The following FNIP2 variants were observed in gnomAD, a reference collection of about 807,000 sequenced individuals.
FNIP2 encodes the protein folliculin-interacting protein 2.
Under a neutral mutation model 108.7 loss-of-function variants are expected in FNIP2, and 32 were observed. The observed-to-expected ratio is 0.29, with a 90% confidence interval of 0.22 to 0.40. The LOEUF is 0.40. Among genes scored for constraint, FNIP2 ranks in the 10% least tolerant of loss-of-function variants. FNIP2 has a pLI of 1.00. For missense variants in FNIP2, 1,202 were observed against 1,381.6 expected, an observed-to-expected ratio of 0.87 and a Z score of 2.06; for synonymous variants, 480 against 496.7, an observed-to-expected ratio of 0.97 and a Z score of 0.45.
intron 8 of FNIP2, among the ~76,000 whole-genome samples, chr4:158,857,280 A>G (rs1191239607): frequency 6.6e-6 from 1 of 152,260 alleles, no homozygotes; most frequent in African/African-American, 2.4e-5. Context: ...AGCAAGCCTT[A>G]TTGTAATATA....
At chr4:158,828,082 T>C (rs1164262428) in intron 2 of FNIP2, among the ~76,000 whole-genome samples, 1 of 152,024 alleles carries the variant, frequency 6.6e-6, no homozygotes, top group Non-Finnish European at 1.5e-5. Context: ...GAGAGGTAAA[T>C]ATTAATAAAG....
At chr4:158,900,949 G>C (rs1422849906) in intron 16 of FNIP2, among the ~76,000 whole-genome samples, 2 of 152,054 alleles carry the variant, frequency 1.3e-5, no homozygotes, top group Admixed American at 6.6e-5. Flanking sequence ...TTACAATTTG[G>C]TATGTTTTTG....
Position 158,868,614 on chromosome 4 carries a change from G to C in FNIP2, c.1978G>C (p.Asp660His). 6.2e-7 allele frequency: 1 copy of C among 1,613,958 alleles called. No individual in the cohort carries two copies. Among genetic ancestry groups the C allele is most frequent in the Non-Finnish European group, 8.5e-7 (1 of 1,179,838 alleles). The change falls in exon 13 of 17, where the codon GAT becomes CAT. Residue 660 changes from aspartate (D) to histidine (H), a missense_variant. Physicochemically the swap from Asp to His is moderately conservative, Grantham distance 81. Around this residue, in one of 5 missense-constraint regions of FNIP2, gnomAD observed 878 missense variants for 990.3 expected, o/e 0.89. Coordinates refer to ENST00000264433, the MANE Select transcript of FNIP2 (RefSeq NM_020840.3). The surrounding 1 kb of genome is among the most constrained non-coding windows in gnomAD (Gnocchi z 4.6). ...GDEKNKEAPQDGSSRLPSCEV... is the reference protein window; with the variant it reads ...GDEKNKEAPQHGSSRLPSCEV... ...TGAGAAAAATAAAGAGGCACCGCAA[G>C]ATGGCTCTTCAAGACTTCCCAGCTG...
chr4:158,883,998 T>G (rs998418029), intron 14 of FNIP2, among the ~76,000 whole-genome samples: 5 of 145,132 alleles, frequency 3.4e-5, no homozygotes, highest in Non-Finnish European at 6.0e-5. Flanking sequence ...TGTAGAGCAG[T>G]ACTGTGTTCC....
intron 1 of FNIP2, among the ~76,000 whole-genome samples, chr4:158,781,991 G>C (rs938775387): frequency 1.3e-5 from 2 of 152,042 alleles, no homozygotes; most frequent in Non-Finnish European, 2.9e-5. Flanking sequence ...CTACTACACA[G>C]TGTTTGACAA....
At chr4:158,815,485 C>A (rs760915116) in intron 1 of FNIP2, among the ~76,000 whole-genome samples, 1 of 151,756 alleles carries the variant, frequency 6.6e-6, no homozygotes, top group Non-Finnish European at 1.5e-5. Flanking sequence ...CGGGTTCACG[C>A]CGTTCTCCTG....
At chr4:158,775,857 C>T (rs1219451133) in intron 1 of FNIP2, among the ~76,000 whole-genome samples, 3 of 152,050 alleles carry the variant, frequency 2.0e-5, no homozygotes, top group South Asian at 2.1e-4. Context: ...TTTGGATCCC[C>T]GATTATCATA....
At chr4:158,825,172 C>G (rs1001914400) in intron 1 of FNIP2, among the ~76,000 whole-genome samples, 16 of 152,228 alleles carry the variant, frequency 1.1e-4, no homozygotes, top group African/African-American at 3.9e-4. Flanking sequence ...GGGTTAAAAA[C>G]TGAGTATATC....
chr4:158,904,084 C>G (rs759801575), intron 16 of FNIP2, among the ~76,000 whole-genome samples: 39 of 152,098 alleles, frequency 2.6e-4, no homozygotes, highest in Non-Finnish European at 4.9e-4. Context: ...AATCAGTATG[C>G]ATTTAGAAGT....
chr4:158,859,622 C>G lies in FNIP2; in HGVS notation c.1104C>G (p.Val368=). Residue 368 remains valine (V), a synonymous_variant, in exon 10 of 17, where the codon GTC becomes GTG. Coordinates refer to ENST00000264433, the MANE Select transcript of FNIP2 (RefSeq NM_020840.3). The stretch of plus-strand genomic sequence containing the variant: ...AAATAGCAGAATCAAGTCTCCGAGT[C>G]CAGTTTTATGTCAGCCGTTTGATGG... ...CRKIAESSLR[V]QFYVSRLMEA... is the part of the protein sequence containing the mutation. The G allele has an allele frequency of 6.2e-7, 1 of 1,613,474 alleles. No individual in the cohort carries two copies. Among genetic ancestry groups the G allele is most frequent in the Non-Finnish European group, 8.5e-7 (1 of 1,179,710 alleles).
intron 12 of FNIP2, among the ~76,000 whole-genome samples, chr4:158,864,340 T>C (rs1431451081): frequency 6.6e-6 from 1 of 152,130 alleles, no homozygotes; most frequent in Non-Finnish European, 1.5e-5. Flanking sequence ...ACAACCACAT[T>C]TAAATAACCC....
At chr4:158,838,339 G>A (rs1028035896) in intron 7 of FNIP2, among the ~76,000 whole-genome samples, 4 of 144,728 alleles carry the variant, frequency 2.8e-5, no homozygotes, top group African/African-American at 1.0e-4. Flanking sequence ...TCCCACCTCA[G>A]CCTCACAAGT....
chr4:158,892,971 A>G (rs544128449), intron 15 of FNIP2, among the ~76,000 whole-genome samples: 44 of 152,214 alleles, frequency 2.9e-4, no homozygotes, highest in Admixed American at 7.9e-4. Context: ...ATGACTTTGA[A>G]GAAGGTGCTC....
chr4:158,889,327 C>T (rs1168032811), intron 14 of FNIP2, among the ~76,000 whole-genome samples: 1 of 152,202 alleles, frequency 6.6e-6, no homozygotes, highest in Non-Finnish European at 1.5e-5. Context: ...TGTAAATCTA[C>T]AGCCTTCTGA....
Position 158,769,138 on chromosome 4 carries a change from G to A in FNIP2, c.-75G>A. 1 of 660,998 alleles carries A rather than the reference G, an allele frequency of 1.5e-6. No homozygotes were observed. Among genetic ancestry groups the A allele is most frequent in the Non-Finnish European group, 1.9e-6 (1 of 535,666 alleles). The allele number at this position is 660,998 out of a possible 1,614,324, so 40.9% of individuals were successfully genotyped here. On this transcript the variant is annotated 5_prime_UTR_variant, in exon 1 of 17. Transcript: ENST00000264433. Reference sequence around the variant, plus strand: ...GCGCCGCCGCGATGGCCCCGCCACCGCGGCCGCCGCCCCCGGCTGCGCGCT... The same window carrying A: ...GCGCCGCCGCGATGGCCCCGCCACCACGGCCGCCGCCCCCGGCTGCGCGCT...
intron 1 of FNIP2, 97 bp from the exon 2 acceptor site, chr4:158,825,819 A>C (rs990530588): frequency 7.0e-7 from 1 of 1,431,058 alleles, no homozygotes; most frequent in South Asian, 1.2e-5. Flanking sequence ...TGGCCTTTTG[A>C]TGTGCACACA....
At chr4:158,802,379 CT>C (rs749338887) in intron 1 of FNIP2, among the ~76,000 whole-genome samples, 63 of 146,212 alleles carry the variant, frequency 4.3e-4, no homozygotes, top group Admixed American at 3.4e-4. Context: ...AAGAGGGATT[CT>C]TTTTTTTTTT....
chr4:158,894,522 A>G lies in FNIP2; in HGVS notation c.3151-1228A>G, dbSNP rs557933116. Among the ~76,000 whole-genome samples, 56 of 152,290 alleles carry G rather than the reference A, an allele frequency of 3.7e-4. 2 individuals carry two copies. The highest frequency in any genetic ancestry group is 1.2e-3 in the African/African-American group (51 of 41,564). The stretch of plus-strand genomic sequence containing the variant: ...CACGTCTAGTATATATTTCATATAG[A>G]CCACAGTTCTTATTTCCACACTGCA... On this transcript the variant is annotated intron_variant, in intron 15 of 16. Transcript: ENST00000264433.
chr4:158,857,931 G>A (rs184877330), intron 8 of FNIP2, among the ~76,000 whole-genome samples: 10 of 152,298 alleles, frequency 6.6e-5, no homozygotes, highest in Non-Finnish European at 1.2e-4. Flanking sequence ...GTGGGTGACA[G>A]AGTGAGACCC....
Sources: allele counts gnomAD v4.1 joint callset (sites outside exome capture counted in the v4.1 genomes callset), GRCh38; gene constraint gnomAD v4.1.1; regional missense constraint gnomAD v4.1.1; non-coding constraint Gnocchi (gnomAD v3.1); transcripts MANE v1.5; gene names NCBI Gene and HGNC (gene_info 2026-07-23, HGNC 2026-07-21).